The following TMPRSS9 variants were observed in gnomAD, a reference collection of about 807,000 sequenced individuals.
TMPRSS9 encodes transmembrane protease serine 9.
Under a neutral mutation model 111.4 loss-of-function variants are expected in TMPRSS9, and 113 were observed. The ratio of observed to expected loss-of-function variants is 1.01; its 90% CI spans 0.87 to 1.19. TMPRSS9 has a LOEUF of 1.19. TMPRSS9 is among the 50% of genes most tolerant of loss of function. TMPRSS9 has a pLI of 0.00. For synonymous variants in TMPRSS9, 805 were observed against 659.1 expected, an observed-to-expected ratio of 1.22 and a Z score of -3.39; for missense variants, 1,803 against 1,513.1, an observed-to-expected ratio of 1.19 and a Z score of -3.18.
chr19:2,396,744 T>TGGGA (rs1970718210), intron 2 of TMPRSS9, 78 bp downstream of exon 3: 3 of 1,509,958 alleles, frequency 2.0e-6, no homozygotes, highest in Admixed American at 4.1e-5. Flanking sequence ...GCTTTCCGTG[T>TGGGA]GGGAGGGAGG....
At chr19:2,414,140 T>C (rs1312497472) in intron 10 of TMPRSS9, 122 bp downstream of exon 11, 7 of 1,026,156 alleles carry the variant, frequency 6.8e-6, no homozygotes, top group Non-Finnish European at 9.7e-6. Context: ...GTCACATGTG[T>C]ATCCGTTTAT....
intron 1 of TMPRSS9, among the ~76,000 whole-genome samples, chr19:2,380,461 C>T (rs1272115081): frequency 1.3e-5 from 2 of 151,748 alleles, no homozygotes; most frequent in Admixed American, 6.6e-5. Flanking sequence ...ATTAGCCAGG[C>T]ATGGTGGCAT....
At chr19:2,385,107 C>A (rs946435837), upstream of TMPRSS9, among the ~76,000 whole-genome samples, 3 of 150,308 alleles carry the variant, frequency 2.0e-5, no homozygotes, top group Non-Finnish European at 4.4e-5. Context: ...CTTGGCCCAT[C>A]CATTGGTGAG....
exon 10 of TMPRSS9, chr19:2,413,965 T>C (rs1411476139): frequency 1.2e-6 from 2 of 1,611,034 alleles, no homozygotes; most frequent in African/African-American, 1.3e-5. Flanking sequence ...ACCAAATCGA[T>C]GCAGGCCCTC....
At chr19:2,394,888 A>AT (rs941629717) in intron 1 of TMPRSS9, among the ~76,000 whole-genome samples, 122 of 151,786 alleles carry the variant, frequency 8.0e-4, no homozygotes, top group African/African-American at 2.8e-3. Flanking sequence ...TTTTATTTAG[A>AT]TTTTTTTCTG....
chr19:2,397,280 T>TG (rs1477899631), intron 2 of TMPRSS9, among the ~76,000 whole-genome samples: 1 of 151,820 alleles, frequency 6.6e-6, no homozygotes, highest in African/African-American at 2.4e-5. Flanking sequence ...CATGCACAGC[T>TG]GGGGGAAGGT....
At chr19:2,419,657 C>T (rs1008500147) in intron 13 of TMPRSS9, among the ~76,000 whole-genome samples, 2 of 151,800 alleles carry the variant, frequency 1.3e-5, no homozygotes, top group African/African-American at 2.4e-5. Context: ...GCTGGGACTA[C>T]AGGCATGTGC....
chr19:2,424,903 C>A (rs543898507), intron 15 of TMPRSS9, 99 bp from the exon 17 acceptor site: 26 of 1,341,628 alleles, frequency 1.9e-5, no homozygotes, highest in Non-Finnish European at 1.9e-5. Flanking sequence ...AGGCCAATAA[C>A]CCTGCCCAGG....
chr19:2,425,870 A>G (rs1442089497), intron 17 of TMPRSS9, 57 bp from the exon 19 acceptor site: 1 of 1,527,084 alleles, frequency 6.5e-7, no homozygotes, highest in Non-Finnish European at 8.7e-7. Flanking sequence ...CAATGACCCA[A>G]GGGCTGCTGT....
chr19:2,402,448 T>C (rs911395764), intron 5 of TMPRSS9, among the ~76,000 whole-genome samples: 1 of 149,058 alleles, frequency 6.7e-6, no homozygotes, highest in African/African-American at 2.5e-5. Context: ...TCTCAAAAAA[T>C]AATACATAAG....
intron 13 of TMPRSS9, among the ~76,000 whole-genome samples, chr19:2,419,226 C>A (rs541708045): frequency 7.0e-6 from 1 of 143,806 alleles, no homozygotes; most frequent in Non-Finnish European, 1.5e-5. Flanking sequence ...TTCTTTCTGA[C>A]GGAGTCTGGC....
chr19:2,394,786 AT>A (rs11370695), intron 1 of TMPRSS9, among the ~76,000 whole-genome samples: 4 of 151,536 alleles, frequency 2.6e-5, no homozygotes, highest in African/African-American at 9.7e-5. Flanking sequence ...AATTACGGCC[AT>A]TTTTTTTGCG....
chr19:2,417,291 C>T (rs1189177911), intron 12 of TMPRSS9, among the ~76,000 whole-genome samples: 2 of 151,642 alleles, frequency 1.3e-5, no homozygotes. Context: ...CATGGTGAAA[C>T]CCCGTCTCTA....
At chr19:2,362,770 T>C (rs1970211061) in intron 1 of TMPRSS9, among the ~76,000 whole-genome samples, 1 of 151,898 alleles carries the variant, frequency 6.6e-6, no homozygotes, top group Non-Finnish European at 1.5e-5. Context: ...AGATTGTGTA[T>C]AATTTGTGGA....
At chr19:2,374,248 CTTTTT>C (rs1027376774) in intron 1 of TMPRSS9, among the ~76,000 whole-genome samples, 41 of 70,408 alleles carry the variant, frequency 5.8e-4, no homozygotes, top group African/African-American at 1.8e-3. Context: ...TCTCAACAAT[CTTTTT>C]TTTTTTTTTT....
In TMPRSS9 at chr19:2,418,352, TCCCTCCC is replaced by T. The variant is rs1599312563; in HGVS notation, c.2154+215_2154+221del. Among the ~76,000 whole-genome samples, 32 of 33,260 alleles carry T rather than the reference TCCCTCCC, an allele frequency of 9.6e-4. No homozygotes were observed. In the East Asian group the frequency reaches 0.01, roughly 11 times the overall value. The allele number at this position is 33,260 out of a possible 152,430, so 21.8% of individuals were successfully genotyped here. A position where few individuals can be genotyped will look rare whatever the true frequency, so the allele number is the denominator to read the frequency against. On this transcript the variant is annotated intron_variant, in intron 13 of 17. Coordinates refer to ENST00000648592, the Ensembl canonical transcript of TMPRSS9. ...CTCCCTTTCCTTCCCTCCCTTTCCC[TCCCTCCC>T]TCCCTTCCCTTCCCTCCCTCCCTTT...
rs554793510 is a variant in TMPRSS9 at position 2,422,375 on chromosome 19, C to T, written c.2548+128C>T. 1,114 of 1,139,418 alleles carry T rather than the reference C, an allele frequency of 9.8e-4. 1 individual carries two copies. The highest frequency in any genetic ancestry group is 1.2e-3 in the Non-Finnish European group (1,018 of 850,610). The allele number at this position is 1,139,418 out of a possible 1,614,324, so 70.6% of individuals were successfully genotyped here. On this transcript the variant is annotated intron_variant, in intron 14 of 17. Coordinates refer to ENST00000648592, the Ensembl canonical transcript of TMPRSS9. ...CGGGCGGATCAAGAGGTCAGGAGAT[C>T]GAGACCATCCTGGCGAACACGGTGA... is the stretch of plus-strand genomic sequence containing the variant.
chr19:2,397,509 G>A (rs956364385), intron 2 of TMPRSS9, among the ~76,000 whole-genome samples: 1 of 152,122 alleles, frequency 6.6e-6, no homozygotes, highest in African/African-American at 2.4e-5. Context: ...GCCAGGAAAA[G>A]GGGCCAGGCT....
chr19:2,363,739 C>T (rs1970222619), intron 1 of TMPRSS9, among the ~76,000 whole-genome samples: 1 of 151,028 alleles, frequency 6.6e-6, no homozygotes, highest in African/African-American at 2.4e-5. Context: ...AACAGGGAAG[C>T]TGCCCAGCAA....
Sources: gnomAD v4.1 joint callset for allele counts (sites outside exome capture counted in the v4.1 genomes callset) on GRCh38, gnomAD v4.1.1 for gene constraint, MANE v1.5 for transcripts, NCBI Gene and HGNC (gene_info 2026-07-23, HGNC 2026-07-21) for gene names.